Variants in MACC1 observed in about 807,000 individuals in gnomAD.
MACC1 encodes the protein metastasis-associated in colon cancer protein 1.
A neutral mutation model predicts 70.7 loss-of-function variants in MACC1; 79 were observed. The ratio of observed to expected loss-of-function variants is 1.12; its 90% CI spans 0.93 to 1.35. The LOEUF is 1.35. MACC1 is among the 40% of genes most tolerant of loss of function. MACC1 has a pLI of 0.00. For missense variants in MACC1, 1,106 were observed against 978.1 expected (o/e 1.13, Z -1.74); for synonymous variants, 361 against 347.2 (o/e 1.04, Z -0.44).
At chr7:20,165,651 C>A (rs1782206062) in intron 2 of MACC1, among the ~76,000 whole-genome samples, 2 of 152,106 alleles carry the variant, frequency 1.3e-5, no homozygotes, top group South Asian at 4.1e-4. Flanking sequence ...TGTTTTCTTC[C>A]AATTAAACCC....
intron 1 of MACC1, among the ~76,000 whole-genome samples, chr7:20,214,107 T>G (rs1020693341): frequency 6.6e-6 from 1 of 152,130 alleles, no homozygotes; most frequent in Non-Finnish European, 1.5e-5. Flanking sequence ...ATATTCCCTA[T>G]GCTCCAATCC....
intron 1 of MACC1, among the ~76,000 whole-genome samples, chr7:20,199,820 A>C (rs1782806543): frequency 6.6e-6 from 1 of 152,230 alleles, no homozygotes; most frequent in African/African-American, 2.4e-5. Context: ...TTTTTAAAGT[A>C]AAAACAGATA....
intron 1 of MACC1, among the ~76,000 whole-genome samples, chr7:20,205,028 G>C (rs1008616033): frequency 2.0e-5 from 3 of 151,992 alleles, no homozygotes; most frequent in Non-Finnish European, 4.4e-5. Context: ...GCAAGTTTCG[G>C]TAAATTTTTA....
chr7:20,159,457 T>A lies in MACC1; in HGVS notation c.904A>T (p.Ser302Cys), dbSNP rs780411640. The A allele has an allele frequency of 1.2e-6, 2 of 1,614,084 alleles. No homozygotes were observed. Among genetic ancestry groups the A allele is most frequent in the Non-Finnish European group, 1.7e-6 (2 of 1,180,024 alleles). ...CACACCATTTCTGTCATGACTTGGC[T>A]GAAAGGATCCTTTCTTACTTCAGCC... is the stretch of plus-strand genomic sequence containing the variant. ...IGAEVRKDPF[S>C]QVMTEMVCLH... The change falls in exon 5 of 7, where the codon AGC becomes TGC. Residue 302 changes from serine to cysteine, a missense_variant. By Grantham distance (112) the Ser-to-Cys change is moderately radical (BLOSUM62 -1). Transcript: ENST00000400331.
chr7:20,188,425 A>C (rs1782622060), intron 1 of MACC1, among the ~76,000 whole-genome samples: 1 of 150,998 alleles, frequency 6.6e-6, no homozygotes, highest in Admixed American at 6.6e-5. Flanking sequence ...AGTTGTAAAA[A>C]CTCTCTTGCA....
Position 20,154,235 on chromosome 7 carries a change from A to G in MACC1, c.2304T>C (p.Tyr768=), listed in dbSNP as rs886426683. Residue 768 remains tyrosine, a synonymous_variant, in exon 6 of 7, where the codon TAT becomes TAC. Coordinates refer to ENST00000400331, the MANE Select transcript of MACC1 (RefSeq NM_182762.4). ...VRLTKQQMEA[Y]EIPHRGNTGD... ...CAGTGTTTCCTCGATGAGGAATTTC[A>G]TATGCCTCCATTTGTTGCTTTGTGA... is the stretch of plus-strand genomic sequence containing the variant. 1.2e-6 allele frequency: 2 copies of G among 1,614,012 alleles called. No individual in the cohort carries two copies. Among genetic ancestry groups the G allele is most frequent in the African/African-American group, 2.7e-5 (2 of 75,052 alleles).
chr7:20,198,766 A>C (rs921672773), intron 1 of MACC1: 1 of 152,254 alleles, frequency 6.6e-6, no homozygotes, highest in African/African-American at 2.4e-5. Context: ...AATCCCATGC[A>C]CCACAAGGAG....
intron 2 of MACC1, among the ~76,000 whole-genome samples, chr7:20,165,280 A>C (rs1424569334): frequency 1.3e-5 from 2 of 152,126 alleles, no homozygotes; most frequent in Non-Finnish European, 2.9e-5. Context: ...GTGCACAAGA[A>C]TTTTATTTCT....
At chr7:20,169,662 A>G (rs1782273325) in intron 2 of MACC1, among the ~76,000 whole-genome samples, 1 of 152,236 alleles carries the variant, frequency 6.6e-6, no homozygotes, top group Non-Finnish European at 1.5e-5. Context: ...TAAAGTAGAA[A>G]GAATATAGGC....
Position 20,140,258 on chromosome 7 carries a change from T to A in MACC1, c.*688A>T, listed in dbSNP as rs1781777270. 6.6e-6 allele frequency: 1 copy of A among 152,206 alleles called. No homozygotes were observed. Among genetic ancestry groups the A allele is most frequent in the Non-Finnish European group, 1.5e-5 (1 of 68,028 alleles). The allele number at this position is 152,206 out of a possible 1,614,324, so 9.4% of individuals were successfully genotyped here. On this transcript the variant is annotated 3_prime_UTR_variant, in exon 7 of 7. Coordinates refer to ENST00000400331, the MANE Select transcript of MACC1 (RefSeq NM_182762.4). Reference sequence around the variant, plus strand: ...CACGCATTTTGTTTTTACTATTCTGTTATGCAGTATGATTTTTTAAAAAGA... The same window carrying A: ...CACGCATTTTGTTTTTACTATTCTGATATGCAGTATGATTTTTTAAAAAGA...
intron 6 of MACC1, among the ~76,000 whole-genome samples, chr7:20,144,380 TTG>T (rs1428742279): frequency 6.6e-6 from 1 of 152,212 alleles, no homozygotes; most frequent in Non-Finnish European, 1.5e-5. Context: ...AAAATGATTG[TTG>T]TATTCACTGA....
At chr7:20,201,945 T>G (rs1446709012) in intron 1 of MACC1, among the ~76,000 whole-genome samples, 4 of 152,222 alleles carry the variant, frequency 2.6e-5, no homozygotes, top group Non-Finnish European at 4.4e-5. Context: ...ATTCTTCGTG[T>G]TTTTTCAACT....
intron 1 of MACC1, among the ~76,000 whole-genome samples, chr7:20,196,522 A>C (rs887433770): frequency 3.3e-5 from 5 of 152,072 alleles, no homozygotes; most frequent in African/African-American, 1.2e-4. Flanking sequence ...AATTAGGTAC[A>C]TCCAGTCACA....
In MACC1 at chr7:20,166,981, G is replaced by A. The variant is rs1258747730; in HGVS notation, c.-152-2582C>T. Among the ~76,000 whole-genome samples the A allele has an allele frequency of 3.3e-5, 5 of 152,026 alleles. No homozygotes were observed. The East Asian group carries it at 9.6e-4, about 29-fold the overall frequency. Reference sequence around the variant, plus strand: ...GGAACATATCCAGAAATCTAGATCTGGAAGAAAAGGTATAAAGGACTCCCT... The same window carrying A: ...GGAACATATCCAGAAATCTAGATCTAGAAGAAAAGGTATAAAGGACTCCCT... On this transcript the variant is annotated intron_variant, in intron 2 of 6. Coordinates refer to ENST00000400331, the MANE Select transcript of MACC1 (RefSeq NM_182762.4).
intron 1 of MACC1, among the ~76,000 whole-genome samples, chr7:20,192,052 ACT>A (rs1782680540): frequency 6.6e-6 from 1 of 152,124 alleles, no homozygotes; most frequent in Non-Finnish European, 1.5e-5. Context: ...ATTTAATATA[ACT>A]CTAAGTTAGT....
chr7:20,189,186 A>C (rs1380540233), intron 1 of MACC1, among the ~76,000 whole-genome samples: 1 of 152,194 alleles, frequency 6.6e-6, no homozygotes, highest in African/African-American at 2.4e-5. Flanking sequence ...TATTTTTTAA[A>C]AAAAATAATA....
At chr7:20,156,836 T>G (rs1000974137) in intron 5 of MACC1, among the ~76,000 whole-genome samples, 1 of 152,246 alleles carries the variant, frequency 6.6e-6, no homozygotes, top group Non-Finnish European at 1.5e-5. Context: ...TATTTTCTAC[T>G]TCTTTTGCAT....
intron 6 of MACC1, among the ~76,000 whole-genome samples, chr7:20,143,514 A>G (rs10479783): frequency 0.45 from 68,046 of 151,878 alleles, 15,949 homozygotes; most frequent in East Asian, 0.81. Context: ...TCAGCCTCCC[A>G]AGTAGCTGGA....
At chr7:20,198,629 C>T (rs1219061559) in intron 1 of MACC1, 1 of 152,238 alleles carries the variant, frequency 6.6e-6, no homozygotes, top group Non-Finnish European at 1.5e-5. Context: ...TGGAGCTCTC[C>T]TTTTAGATCT....
Sources: gnomAD v4.1 joint callset for allele counts (sites outside exome capture counted in the v4.1 genomes callset) on GRCh38, gnomAD v4.1.1 for gene constraint, MANE v1.5 for transcripts, NCBI Gene and HGNC (gene_info 2026-07-23, HGNC 2026-07-21) for gene names.